NRCAM: variants seen among roughly 807,000 people sequenced by gnomAD.
NRCAM encodes the protein neuronal cell adhesion molecule, also known as NgCAM-related cell adhesion molecule.
NRCAM carries 83 observed loss-of-function variants against 156.5 expected under a neutral mutation model. The observed-to-expected ratio is 0.53, with a 90% CI of 0.44 to 0.64. The LOEUF is 0.64. Ranked by LOEUF, NRCAM falls within the 30% of genes least tolerant of loss-of-function variation. NRCAM has a pLI of 0.00. For synonymous variants in NRCAM, 538 were observed against 563.9 expected (o/e 0.95, Z 0.65); for missense variants, 1,417 against 1,597.3 (o/e 0.89, Z 1.92).
intron 26 of NRCAM, among the ~76,000 whole-genome samples, chr7:108,177,502 AG>A (rs1296268986): frequency 6.6e-6 from 1 of 152,076 alleles, no homozygotes; most frequent in Admixed American, 6.6e-5. Context: ...GGGCGTCTGT[AG>A]TCCCAGCTAC....
chr7:108,400,058 A>G (rs2099787805), intron 1 of NRCAM, among the ~76,000 whole-genome samples: 1 of 152,232 alleles, frequency 6.6e-6, no homozygotes, highest in Non-Finnish European at 1.5e-5. Flanking sequence ...TGACAATGTC[A>G]GAGAGGAACT....
chr7:108,275,807 C>T (rs200024573), intron 3 of NRCAM, among the ~76,000 whole-genome samples: 49 of 152,056 alleles, frequency 3.2e-4, no homozygotes, highest in African/African-American at 9.9e-4. Flanking sequence ...GCTTCTCTAG[C>T]TCTTTTAATT....
intron 30 of NRCAM, among the ~76,000 whole-genome samples, chr7:108,160,726 G>C (rs574431851): frequency 1.7e-4 from 26 of 152,230 alleles, no homozygotes; most frequent in Non-Finnish European, 3.4e-4. Context: ...CACATTAAAT[G>C]CTAAAAACCC....
chr7:108,373,369 T>G (rs1383386488), intron 2 of NRCAM, among the ~76,000 whole-genome samples: 1 of 152,162 alleles, frequency 6.6e-6, no homozygotes, highest in Non-Finnish European at 1.5e-5. Context: ...ATAAGAGAGA[T>G]ACACATTTTT....
At chr7:108,329,031 ACT>A (rs1279997911) in intron 2 of NRCAM, among the ~76,000 whole-genome samples, 3 of 152,160 alleles carry the variant, frequency 2.0e-5, no homozygotes, top group Non-Finnish European at 2.9e-5. Flanking sequence ...AAGCCTAGAA[ACT>A]CTATTTGATT....
At position 108,419,898 on chromosome 7, in the gene NRCAM, G is replaced by A. The variant is rs1187729920; in HGVS notation, c.-331-20305C>T. Among the ~76,000 whole-genome samples the A allele has an allele frequency of 2.0e-5, 3 of 152,146 alleles. No homozygotes were observed. The East Asian group carries it at 5.8e-4, about 29-fold the overall frequency. ...TGCACCTCAGAGAAGGGAAATGAGT[G>A]TATGTAAAAAGGAGAAACTGAGGCC... On this transcript the variant is annotated intron_variant, in intron 1 of 32. Coordinates refer to ENST00000379028, the MANE Select transcript of NRCAM (RefSeq NM_001037132.4).
chr7:108,237,643 C>A, intron 5 of NRCAM, 109 bp downstream of exon 5: 1 of 752,928 alleles, frequency 1.3e-6, no homozygotes, highest in Admixed American at 3.4e-5. Context: ...CTTAGAAAGA[C>A]AAAGGTCACA....
chr7:108,338,459 G>A (rs2099231861), intron 2 of NRCAM, among the ~76,000 whole-genome samples: 1 of 152,130 alleles, frequency 6.6e-6, no homozygotes, highest in Admixed American at 6.5e-5. Flanking sequence ...ACCGATTTAG[G>A]TATACAGTTC....
At position 108,299,114 on chromosome 7, in the gene NRCAM, A is replaced by AAAAAAAAAAGAAAGAAAGAAAG; in HGVS notation, c.-107+13550_-107+13551insCTTTCTTTCTTTCTTTTTTTTT. ...GAGCAAGACTCCATCTCAAAAAAAA[A>AAAAAAAAAAGAAAGAAAGAAAG]AAAGAAAGAAAGAAAGAAAGAAAGA... is the stretch of plus-strand genomic sequence containing the variant. On this transcript the variant is annotated intron_variant, in intron 3 of 32. Transcript: ENST00000379028. 5.5e-4 allele frequency among the ~76,000 whole-genome samples: 14 copies of AAAAAAAAAAGAAAGAAAGAAAG among 25,528 alleles called. 1 individual carries two copies. The highest frequency in any genetic ancestry group is 8.0e-4 in the Non-Finnish European group (10 of 12,438). The allele number at this position is 25,528 out of a possible 152,430, so 16.7% of individuals were successfully genotyped here. A position where few individuals can be genotyped will look rare whatever the true frequency, so the allele number is the denominator to read the frequency against.
intron 1 of NRCAM, among the ~76,000 whole-genome samples, chr7:108,414,379 G>A (rs989085080): frequency 4.6e-5 from 7 of 152,094 alleles, no homozygotes; most frequent in African/African-American, 1.7e-4. Flanking sequence ...TTTTGTCCTG[G>A]AATTCCATCT....
At chr7:108,252,569 G>A (rs2096411833) in intron 3 of NRCAM, among the ~76,000 whole-genome samples, 1 of 152,172 alleles carries the variant, frequency 6.6e-6, no homozygotes, top group Admixed American at 6.5e-5. Flanking sequence ...AGAAATAGCT[G>A]CAGAAGGCCT....
intron 3 of NRCAM, among the ~76,000 whole-genome samples, chr7:108,303,309 G>A (rs1379699589): frequency 6.6e-6 from 1 of 152,104 alleles, no homozygotes; most frequent in Non-Finnish European, 1.5e-5. Context: ...CATCTGTCCA[G>A]TCTCTAATGG....
chr7:108,227,118 G>C (rs1008282122), intron 8 of NRCAM, among the ~76,000 whole-genome samples: 1 of 152,062 alleles, frequency 6.6e-6, no homozygotes, highest in Non-Finnish European at 1.5e-5. Flanking sequence ...TAGAATTTAA[G>C]CTCCAGGACG....
chr7:108,223,910 G>T, intron 10 of NRCAM, 74 bp from the exon 11 acceptor site: 1 of 766,274 alleles, frequency 1.3e-6, no homozygotes, highest in Non-Finnish European at 2.3e-6. Context: ...TGTCAAAAAA[G>T]CTGTCTAAAA....
intron 3 of NRCAM, among the ~76,000 whole-genome samples, chr7:108,312,211 T>G (rs2098811994): frequency 6.6e-6 from 1 of 152,186 alleles, no homozygotes; most frequent in South Asian, 2.1e-4. Context: ...TTTTTATTCT[T>G]TGGACTCCAT....
chr7:108,234,272 T>C (rs967612964), intron 6 of NRCAM, among the ~76,000 whole-genome samples: 14 of 152,074 alleles, frequency 9.2e-5, no homozygotes, highest in African/African-American at 2.7e-4. Context: ...AGAAATGCAA[T>C]AATCTGGGTT....
At chr7:108,344,547 A>G (rs1356015707) in intron 2 of NRCAM, among the ~76,000 whole-genome samples, 1 of 152,144 alleles carries the variant, frequency 6.6e-6, no homozygotes, top group African/African-American at 2.4e-5. Flanking sequence ...CACGTCTAAT[A>G]TTTCCATAAC....
intron 3 of NRCAM, among the ~76,000 whole-genome samples, chr7:108,256,535 C>T (rs1240505412): frequency 6.6e-6 from 1 of 151,482 alleles, no homozygotes; most frequent in African/African-American, 2.4e-5. Context: ...CCCTTGTTCA[C>T]ATGTTTATCT....
rs1256700010 is a variant in NRCAM at position 108,254,730 on chromosome 7, T to C, written c.-106-14560A>G. ...ATACCCACCTAGTTTTTTTTATTAC[T>C]TGTAGAGACCAGGTTTCACTATATT... On this transcript the variant is annotated intron_variant, in intron 3 of 32. Coordinates refer to ENST00000379028, the MANE Select transcript of NRCAM (RefSeq NM_001037132.4). Among the ~76,000 whole-genome samples the C allele has an allele frequency of 3.3e-5, 5 of 152,184 alleles. No individual in the cohort carries two copies. In the South Asian group the frequency reaches 8.3e-4, roughly 25 times the overall value.
Sources: gnomAD v4.1 joint callset for allele counts (sites outside exome capture counted in the v4.1 genomes callset) on GRCh38, gnomAD v4.1.1 for gene constraint, MANE v1.5 for transcripts, NCBI Gene and HGNC (gene_info 2026-07-23, HGNC 2026-07-21) for gene names.